Variants in PIGR observed in about 807,000 individuals in gnomAD.
The protein encoded by PIGR is hepatocellular carcinoma associated protein TB6.
In PIGR, 22 loss-of-function variants were observed where a neutral mutation model predicts 69.5. The observed-to-expected ratio is 0.32, with a 90% CI of 0.23 to 0.45. The LOEUF (loss-of-function observed/expected upper bound fraction) is 0.45. Ranked by LOEUF, PIGR falls within the 20% of genes least tolerant of loss-of-function variation. The pLI, the probability that PIGR is intolerant of heterozygous loss-of-function variation, is 1.00. For synonymous variants in PIGR, 413 were observed against 407.6 expected (o/e 1.01, Z -0.16); for missense variants, 885 against 974.0 (o/e 0.91, Z 1.22).
chr1:206,941,149 T>G (rs1359238936), intron 1 of PIGR, among the ~76,000 whole-genome samples: 2 of 152,262 alleles, frequency 1.3e-5, no homozygotes, highest in African/African-American at 4.8e-5. Context: ...TTATGTGTAC[T>G]ATCTCATACA....
chr1:206,936,949 C>T lies in PIGR; in HGVS notation c.1045+146G>A, dbSNP rs2102600296. 4.0e-6 allele frequency: 3 copies of T among 747,044 alleles called. No homozygotes were observed. The South Asian group carries it at 6.6e-5, about 16-fold the overall frequency. The allele number at this position is 747,044 out of a possible 1,614,324, so 46.3% of individuals were successfully genotyped here. A position where few individuals can be genotyped will look rare whatever the true frequency, so the allele number is the denominator to read the frequency against. On this transcript the variant is annotated intron_variant, in intron 4 of 10. Coordinates refer to ENST00000356495, the MANE Select transcript of PIGR (RefSeq NM_002644.4). ...TTTCTTGCTGTCCTGTGCAGCAGCC[C>T]ACGCAGCCTCCAGTTCGGGGCTGGT...
chr1:206,939,588 A>T, intron 2 of PIGR, 125 bp from the exon 3 acceptor site: 1 of 601,556 alleles, frequency 1.7e-6, no homozygotes, highest in Admixed American at 3.3e-5. Flanking sequence ...AATTTATCAT[A>T]TATCACAGCT....
intron 1 of PIGR, among the ~76,000 whole-genome samples, chr1:206,940,985 T>A (rs1572647996): frequency 6.6e-6 from 1 of 151,974 alleles, no homozygotes. Flanking sequence ...TCCTGGGAGG[T>A]GAAGCGGGCT....
intron 2 of PIGR, 142 bp downstream of exon 2, chr1:206,940,347 T>A (rs1472068484): frequency 5.6e-6 from 4 of 717,540 alleles, no homozygotes; most frequent in African/African-American, 1.8e-5. Context: ...CTTCTCTGTA[T>A]GACTCTTCCT....
rs778924184 is a variant in PIGR, at chr1:206,932,966, A to G, written c.1886+20T>C. ...GCTCTGGGGTGTTCTCCGAGTGGGG[A>G]GCCTTGAATCCTTCCTTACCTGCCG... On this transcript the variant is annotated intron_variant, in intron 7 of 10. Coordinates refer to ENST00000356495, the MANE Select transcript of PIGR (RefSeq NM_002644.4). 3.1e-6 allele frequency: 5 copies of G among 1,612,246 alleles called. No individual in the cohort carries two copies. The highest frequency in any genetic ancestry group is 1.3e-5 in the African/African-American group (1 of 74,770).
Position 206,932,436 on chromosome 1 carries a change from G to T in PIGR, c.2008+20C>A, listed in dbSNP as rs1188385397. ...GGCTCGGGTTGGAGGTGGGAGGCAG[G>T]GAGTATCCCAGGGACTCACCGACGT... On this transcript the variant is annotated intron_variant, in intron 8 of 10. Coordinates refer to ENST00000356495, the MANE Select transcript of PIGR (RefSeq NM_002644.4). The T allele has an allele frequency of 1.9e-6, 3 of 1,599,300 alleles. No individual in the cohort carries two copies. The highest frequency in any genetic ancestry group is 2.6e-6 in the Non-Finnish European group (3 of 1,173,524).
intron 2 of PIGR, 98 bp from the exon 3 acceptor site, chr1:206,939,561 G>T: frequency 1.3e-6 from 1 of 742,302 alleles, no homozygotes; most frequent in Non-Finnish European, 2.3e-6. Flanking sequence ...TACCTGACAC[G>T]TAGGCCCTGT....
In PIGR at chr1:206,931,811, G is replaced by A; in HGVS notation, c.2009-9C>T. On this transcript the variant is annotated splice_polypyrimidine_tract_variant and intron_variant, in intron 8 of 10. Coordinates refer to ENST00000356495, the MANE Select transcript of PIGR (RefSeq NM_002644.4). ...TCTGATTGAAACTCGGTCTGTCCGG[G>A]AGGAAGAGGAGTTGGTGTAAGGACA... The A allele has an allele frequency of 5.0e-6, 8 of 1,614,084 alleles. No homozygotes were observed. The highest frequency in any genetic ancestry group is 4.5e-5 in the East Asian group (2 of 44,878).
Position 206,930,357 on chromosome 1 carries a change from GGT to G in PIGR, c.2254_2255del (p.Thr752ArgfsTer24). The G allele has an allele frequency of 6.2e-7, 1 of 1,611,964 alleles. No individual in the cohort carries two copies. Among genetic ancestry groups the G allele is most frequent in the Non-Finnish European group, 8.5e-7 (1 of 1,178,940 alleles). ...AYKDFLLQSS[T>X]VAAEAQDGPQ... Reference sequence around the variant, plus strand: ...GGCCGTCCTGGGCCTCGGCGGCCACGGTGCTGGACTGGAGCAGGAAGTCTTTG... The same window carrying G: ...GGCCGTCCTGGGCCTCGGCGGCCACGGCTGGACTGGAGCAGGAAGTCTTTG... On this transcript the variant is annotated frameshift_variant, in exon 11 of 11. Coordinates refer to ENST00000356495, the MANE Select transcript of PIGR (RefSeq NM_002644.4). LOFTEE classifies it low-confidence loss of function (END_TRUNC). The surrounding 1 kb of genome is among the most constrained non-coding windows in gnomAD (Gnocchi z 4.3).
At chr1:206,943,119 G>T (rs908357817) in intron 1 of PIGR, among the ~76,000 whole-genome samples, 10 of 152,182 alleles carry the variant, frequency 6.6e-5, no homozygotes, top group Non-Finnish European at 2.9e-5. Context: ...GGATTTAAAG[G>T]ATTTGCTTAA....
rs1679724387 is a variant in PIGR at position 206,930,807 on chromosome 1, G to A, written c.2200-394C>T. 4.1e-6 allele frequency: 4 copies of A among 985,368 alleles called. No individual in the cohort carries two copies. Among genetic ancestry groups the A allele is most frequent in the Non-Finnish European group, 1.2e-6 (1 of 829,912 alleles). 61.0% of individuals were successfully genotyped at this position (985,368 alleles called of 1,614,324 possible). ...CTTTTTGGCACCACAAAGTTAAAGG[G>A]GAAGGCTGTCCCAGGAATAACTCGT... is the stretch of plus-strand genomic sequence containing the variant. On this transcript the variant is annotated intron_variant, in intron 10 of 10. Coordinates refer to ENST00000356495, the MANE Select transcript of PIGR (RefSeq NM_002644.4). This position sits in a 1 kb window ranked among gnomAD's most constrained non-coding sequence, Gnocchi z 4.3.
At chr1:206,936,967 GGGCTGGTCATTGA>G (rs1679873912) in intron 4 of PIGR, 115 bp downstream of exon 4, 22 of 915,838 alleles carry the variant, frequency 2.4e-5, no homozygotes, top group Non-Finnish European at 3.5e-5. Flanking sequence ...CTCCAGTTCG[GGGCTGGTCATTGA>G]GTGGATGCTG....
chr1:206,931,569 G>C lies in PIGR; in HGVS notation c.2141-14C>G. 2 of 1,614,064 alleles carry C rather than the reference G, an allele frequency of 1.2e-6. No homozygotes were observed. The highest frequency in any genetic ancestry group is 2.2e-5 in the South Asian group (2 of 91,068). On this transcript the variant is annotated splice_polypyrimidine_tract_variant and intron_variant, in intron 9 of 10. Transcript: ENST00000356495. ...TGGCAACAAACTCTGTGTGAAGAAA[G>C]AGGGTAGGTTAGCCCTTACTAGCCT...
intron 1 of PIGR, among the ~76,000 whole-genome samples, 190 bp downstream of exon 1, chr1:206,946,146 C>G (rs1369361350): frequency 6.6e-6 from 1 of 152,182 alleles, no homozygotes; most frequent in Non-Finnish European, 1.5e-5. Context: ...CACGTGCATC[C>G]CTACTCGTCC....
rs1427190902 is a variant in PIGR, at chr1:206,933,182, G to A, written c.1706-16C>T. The stretch of plus-strand genomic sequence containing the variant: ...TCGCGGGACCCTGCAGCAGGGAAGA[G>A]TGGGCCTGGGTTGTGATTTTTCTCT... On this transcript the variant is annotated splice_polypyrimidine_tract_variant and intron_variant, in intron 6 of 10. Transcript: ENST00000356495. 2.5e-6 allele frequency: 4 copies of A among 1,612,020 alleles called. No homozygotes were observed. Among genetic ancestry groups the A allele is most frequent in the Non-Finnish European group, 3.4e-6 (4 of 1,178,814 alleles).
chr1:206,943,280 T>G (rs1488407947), intron 1 of PIGR, among the ~76,000 whole-genome samples: 1 of 152,206 alleles, frequency 6.6e-6, no homozygotes, highest in African/African-American at 2.4e-5. Context: ...CTAAGGGTTA[T>G]AGGGATTCTC....
At position 206,930,975 on chromosome 1, in the gene PIGR, AG is replaced by A. The variant is rs1211511554; in HGVS notation, c.2199+521del. Reference sequence around the variant, plus strand: ...GTCCCCTGAGTCCTAGGGCAGATTGAGGGGATGGTATATGGCACCCAAGGCA... The same window carrying A: ...GTCCCCTGAGTCCTAGGGCAGATTGAGGGATGGTATATGGCACCCAAGGCA... On this transcript the variant is annotated intron_variant, in intron 10 of 10. Coordinates refer to ENST00000356495, the MANE Select transcript of PIGR (RefSeq NM_002644.4). The surrounding 1 kb of genome is among the most constrained non-coding windows in gnomAD (Gnocchi z 4.3). The A allele has an allele frequency of 3.0e-6, 3 of 985,314 alleles. No homozygotes were observed. In the Admixed American group the frequency reaches 1.8e-4, roughly 61 times the overall value. The allele number at this position is 985,314 out of a possible 1,614,324, so 61.0% of individuals were successfully genotyped here. A position where few individuals can be genotyped will look rare whatever the true frequency, so the allele number is the denominator to read the frequency against.
At chr1:206,945,005 T>A (rs1235907069) in intron 1 of PIGR, among the ~76,000 whole-genome samples, 3 of 152,174 alleles carry the variant, frequency 2.0e-5, no homozygotes, top group Non-Finnish European at 4.4e-5. Context: ...GTTTACTAAA[T>A]GGAAGCCTGT....
rs771459854 is a variant in PIGR, at chr1:206,934,658, G to A, written c.1467C>T (p.Ser489=). 1 of 1,614,108 alleles carries A rather than the reference G, an allele frequency of 6.2e-7. No individual in the cohort carries two copies. The highest frequency in any genetic ancestry group is 8.5e-7 in the Non-Finnish European group (1 of 1,179,998). ...KVPCHFPCKF[S]SYEKYWCKWN... Reference sequence around the variant, plus strand: ...ACTTGCACCAGTATTTCTCGTACGAGGAGAATTTGCATGGAAAGTGACAGG... The same window carrying A: ...ACTTGCACCAGTATTTCTCGTACGAAGAGAATTTGCATGGAAAGTGACAGG... Residue 489 remains serine, a synonymous_variant, in exon 6 of 11, where the codon TCC becomes TCT. Transcript: ENST00000356495.
Sources: allele counts gnomAD v4.1 joint callset (sites outside exome capture counted in the v4.1 genomes callset), GRCh38; gene constraint gnomAD v4.1.1; non-coding constraint Gnocchi (gnomAD v3.1); transcripts MANE v1.5; gene names NCBI Gene and HGNC (gene_info 2026-07-23, HGNC 2026-07-21).